Variants in MCM9 observed in about 807,000 individuals in gnomAD.
The protein encoded by MCM9 is minichromosome maintenance 9 homologous recombination repair factor.
In MCM9, 55 loss-of-function variants were observed where a neutral mutation model predicts 72.8. The observed-to-expected ratio is 0.76, with a 90% CI of 0.61 to 0.95. The LOEUF (loss-of-function observed/expected upper bound fraction) is 0.95, where lower values mean the gene tolerates loss of function less well. Among genes scored for constraint, MCM9 ranks in the 40% least tolerant of loss-of-function variants. The probability of loss-of-function intolerance (pLI) is 0.00; values close to 1 mark genes in which losing one functional copy is unlikely to be tolerated. For synonymous variants in MCM9, 480 were observed against 503.4 expected (o/e 0.95, Z 0.62); for missense variants, 1,279 against 1,377.0 (o/e 0.93, Z 1.13).
At chr6:118,854,581 G>A (rs1583442239) in intron 9 of MCM9, among the ~76,000 whole-genome samples, 3 of 152,280 alleles carry the variant, frequency 2.0e-5, no homozygotes, top group East Asian at 3.9e-4. Context: ...TCCAATCCCC[G>A]ACCTCAGGTG....
chr6:118,822,519 T>C lies in MCM9; in HGVS notation c.1961+3628A>G, dbSNP rs377172752. Among the ~76,000 whole-genome samples the C allele has an allele frequency of 5.9e-5, 9 of 152,178 alleles. No homozygotes were observed. The East Asian group carries it at 1.2e-3, about 20-fold the overall frequency. ...TTGTCCCAGAGGGGCACCAGCCTGA[T>C]GCCAGCAGAGCTCTCCTACATGAAG... is the stretch of plus-strand genomic sequence containing the variant. On this transcript the variant is annotated intron_variant, in intron 13 of 13. Transcript: ENST00000619706.
intron 8 of MCM9, among the ~76,000 whole-genome samples, chr6:118,857,626 C>CAAAA (rs1203197065): frequency 3.1e-4 from 22 of 70,930 alleles, no homozygotes; most frequent in East Asian, 1.7e-3. Context: ...CCAGACTGAC[C>CAAAA]AAAAAAAAAA....
intron 12 of MCM9, 127 bp from the exon 13 acceptor site, chr6:118,826,419 C>A (rs771499486): frequency 6.3e-6 from 6 of 956,584 alleles, no homozygotes; most frequent in Non-Finnish European, 7.4e-6. Flanking sequence ...GTATGAAAAT[C>A]ACTTGGGAGG....
At chr6:118,851,203 C>G (rs1015405414) in intron 9 of MCM9, among the ~76,000 whole-genome samples, 18 of 151,758 alleles carry the variant, frequency 1.2e-4, no homozygotes, top group African/African-American at 4.4e-4. Context: ...CATTTCAAAT[C>G]AAAAGCAGCT....
rs1407860234 is a variant in MCM9 at position 118,928,157 on chromosome 6, A to G, written c.304+3263T>C. On this transcript the variant is annotated intron_variant, in intron 3 of 13. Coordinates refer to ENST00000619706, the MANE Select transcript of MCM9 (RefSeq NM_017696.3). ...CCAGGCATGGTGGCTCATGCTTGTA[A>G]TCCCAGAACTGGGGAGGCTGAGGTG... 2.0e-5 allele frequency among the ~76,000 whole-genome samples: 3 copies of G among 152,194 alleles called. No homozygotes were observed. In the South Asian group the frequency reaches 6.2e-4, roughly 31 times the overall value.
intron 5 of MCM9, chr6:118,918,701 C>T (rs535051204): frequency 6.6e-6 from 1 of 152,254 alleles, no homozygotes; most frequent in Non-Finnish European, 1.5e-5. Context: ...GCCCCAACCC[C>T]AATTCTGGTA....
rs184600536 is a variant in MCM9, at chr6:118,835,971, A to T, written c.1326-6721T>A. On this transcript the variant is annotated intron_variant, in intron 9 of 13. Coordinates refer to ENST00000619706, the MANE Select transcript of MCM9 (RefSeq NM_017696.3). Reference sequence around the variant, plus strand: ...CCAGCTTTTGCCCATTCAGTATGATATCGGCTGTGGGTTTGTCATAAATAG... The same window carrying T: ...CCAGCTTTTGCCCATTCAGTATGATTTCGGCTGTGGGTTTGTCATAAATAG... 1.8e-3 allele frequency among the ~76,000 whole-genome samples: 276 copies of T among 152,288 alleles called. 1 individual carries two copies. The highest frequency in any genetic ancestry group is 6.3e-3 in the African/African-American group (261 of 41,554).
In MCM9 at chr6:118,829,249, G is replaced by C. The variant is rs1583352581; in HGVS notation, c.1327C>G (p.Leu443Val). ...QQTISVAKAGLVCKLNTRTTI... is the reference protein window; with the variant it reads ...QQTISVAKAGVVCKLNTRTTI... ...GTCCTTGTGTTCAGCTTGCACACGAGGCTGCCAGGAGAGACAGTACAATTC... is the reference window on the plus strand; with the variant it reads ...GTCCTTGTGTTCAGCTTGCACACGACGCTGCCAGGAGAGACAGTACAATTC... The change falls in exon 10 of 14, where the codon CTC becomes GTC. Residue 443 changes from leucine to valine, a missense_variant and splice_region_variant. Leu to Val is a conservative substitution (Grantham distance 32, BLOSUM62 1). Coordinates refer to ENST00000619706, the MANE Select transcript of MCM9 (RefSeq NM_017696.3). The C allele has an allele frequency of 6.5e-7, 1 of 1,548,086 alleles. No individual in the cohort carries two copies. Among genetic ancestry groups the C allele is most frequent in the Non-Finnish European group, 8.7e-7 (1 of 1,144,792 alleles).
intron 8 of MCM9, among the ~76,000 whole-genome samples, chr6:118,895,811 G>A (rs958986651): frequency 6.6e-6 from 1 of 152,076 alleles, no homozygotes; most frequent in Non-Finnish European, 1.5e-5. Context: ...CATTGAAGAT[G>A]ATTTAGGTAA....
intron 10 of MCM9, 25 bp from the exon 11 acceptor site, chr6:118,828,155 G>A: frequency 6.5e-7 from 1 of 1,529,528 alleles, no homozygotes; most frequent in Non-Finnish European, 8.9e-7. Context: ...TGTTGGGTCA[G>A]TAAGTTCTTA....
Position 118,843,674 on chromosome 6 carries a change from G to GTA in MCM9, c.1325+12695_1325+12696dup, listed in dbSNP as rs1168061881. Among the ~76,000 whole-genome samples the GTA allele has an allele frequency of 6.0e-3, 77 of 12,920 alleles. 1 individual carries two copies. Among genetic ancestry groups the GTA allele is most frequent in the African/African-American group, 0.011 (51 of 4,830 alleles). 8.5% of individuals were successfully genotyped at this position (12,920 alleles called of 152,430 possible). On this transcript the variant is annotated intron_variant, in intron 9 of 13. Transcript: ENST00000619706. ...TATATATGTGTATATATATATGTAT[G>GTA]TATATATATATGTGTATATATATAT... is the stretch of plus-strand genomic sequence containing the variant.
chr6:118,842,588 T>C (rs985112877), intron 9 of MCM9, among the ~76,000 whole-genome samples: 2 of 152,070 alleles, frequency 1.3e-5, no homozygotes, highest in Non-Finnish European at 2.9e-5. Flanking sequence ...GGTCCAATCA[T>C]AGCTCACTGC....
rs1350414529 is a variant in MCM9 at position 118,815,844 on chromosome 6, T to C, written c.2412A>G (p.Gly804=). ...CTGCCCTCCATGGAACACCTGTCTC[T>C]CCTGGTGATGGAAGCAACCCAATGT... is the stretch of plus-strand genomic sequence containing the variant. ...KVDIGLLPSP[G]ETGVPWRADN... The change falls in exon 14 of 14, where the codon GGA becomes GGG. Residue 804 remains glycine, a synonymous_variant. Transcript: ENST00000619706. The C allele has an allele frequency of 6.5e-7, 1 of 1,540,096 alleles. No homozygotes were observed. The highest frequency in any genetic ancestry group is 8.7e-7 in the Non-Finnish European group (1 of 1,147,022).
intron 8 of MCM9, among the ~76,000 whole-genome samples, chr6:118,905,480 T>C (rs1374563615): frequency 6.6e-6 from 1 of 152,228 alleles, no homozygotes; most frequent in Non-Finnish European, 1.5e-5. Context: ...GAACTGTCTT[T>C]TCCAGCTTAT....
intron 8 of MCM9, among the ~76,000 whole-genome samples, chr6:118,897,149 T>A (rs988938197): frequency 6.6e-6 from 1 of 152,184 alleles, no homozygotes; most frequent in Non-Finnish European, 1.5e-5. Context: ...AACTATAGAA[T>A]ATTTTGAAAA....
At chr6:118,922,212 G>T (rs12194515) in intron 4 of MCM9, 126 bp from the exon 5 acceptor site, 32,404 of 622,506 alleles carry the variant, frequency 0.052, 1,375 homozygotes, top group East Asian at 0.19. Flanking sequence ...TTATAATGGG[G>T]ATTTAAGTAA....
intron 8 of MCM9, among the ~76,000 whole-genome samples, chr6:118,901,673 C>T (rs1779805615): frequency 1.3e-5 from 2 of 152,138 alleles, no homozygotes; most frequent in African/African-American, 2.4e-5. Context: ...ATTATGCATG[C>T]TTATTTATAA....
intron 9 of MCM9, among the ~76,000 whole-genome samples, chr6:118,842,414 T>A (rs1775436531): frequency 6.6e-6 from 1 of 152,234 alleles, no homozygotes; most frequent in South Asian, 2.1e-4. Flanking sequence ...CATCATCATA[T>A]CAAGTTATTC....
intron 1 of MCM9, chr6:118,934,358 A>T (rs1206121929): frequency 6.6e-6 from 1 of 152,222 alleles, no homozygotes; most frequent in Non-Finnish European, 1.5e-5. Flanking sequence ...CTTATTGAAT[A>T]TTTGGGGTCA....
Sources: gnomAD v4.1 joint callset for allele counts (sites outside exome capture counted in the v4.1 genomes callset) on GRCh38, gnomAD v4.1.1 for gene constraint, MANE v1.5 for transcripts, NCBI Gene and HGNC (gene_info 2026-07-23, HGNC 2026-07-21) for gene names.